The following ENTREP1 variants were observed in gnomAD, a reference collection of about 807,000 sequenced individuals.
ENTREP1 encodes the protein Friedreich ataxia region gene X123.
chr9:69,365,927 T>C, the ENTREP1 span, among the ~76,000 whole-genome samples: 1 of 152,216 alleles, frequency 6.6e-6, no homozygotes, highest in Non-Finnish European at 1.5e-5. Context: ...TTCATTCGTC[T>C]GTTGATGGGC....
chr9:69,337,034 T>G, the ENTREP1 span, among the ~76,000 whole-genome samples: 9 of 56,220 alleles, frequency 1.6e-4, no homozygotes, highest in Non-Finnish European at 2.8e-4. Flanking sequence ...TTTTTTTTTT[T>G]GATACAGTCT....
At chr9:69,353,153 A>G in the ENTREP1 span, among the ~76,000 whole-genome samples, 47 of 152,288 alleles carry the variant, frequency 3.1e-4, no homozygotes, top group African/African-American at 9.9e-4. Flanking sequence ...AAATAAAAGT[A>G]GAAGAAGATA....
chr9:69,385,910 G>A, the ENTREP1 span: 15 of 1,613,338 alleles, frequency 9.3e-6, no homozygotes, highest in South Asian at 3.3e-5. Context: ...GGACCAGGTC[G>A]AAGAGTGACC....
the ENTREP1 span, chr9:69,383,806 A>G: frequency 6.2e-7 from 1 of 1,611,842 alleles, no homozygotes; most frequent in South Asian, 1.1e-5. Flanking sequence ...TGCAAGTGGG[A>G]AAGACAGCAC....
chr9:69,367,824 A>AAT, the ENTREP1 span, among the ~76,000 whole-genome samples: 38 of 118,614 alleles, frequency 3.2e-4, 1 homozygote, highest in Non-Finnish European at 2.3e-4. Context: ...CATATATATA[A>AAT]ATATATATAT....
chr9:69,341,908 A>C, the ENTREP1 span, among the ~76,000 whole-genome samples: 1 of 152,126 alleles, frequency 6.6e-6, no homozygotes, highest in African/African-American at 2.4e-5. Flanking sequence ...CTCTTGACCC[A>C]AAAGTCAAGA....
the ENTREP1 span, among the ~76,000 whole-genome samples, chr9:69,362,481 C>T: frequency 6.6e-6 from 1 of 152,096 alleles, no homozygotes. Context: ...AAACATAATT[C>T]GTTTTGCATA....
chr9:69,347,430 A>C, the ENTREP1 span, among the ~76,000 whole-genome samples: 1 of 152,130 alleles, frequency 6.6e-6, no homozygotes, highest in African/African-American at 2.4e-5. Context: ...ATCAAACCCA[A>C]CTGTGTTGTA....
the ENTREP1 span, among the ~76,000 whole-genome samples, chr9:69,341,136 C>CT: frequency 6.6e-6 from 1 of 152,072 alleles, no homozygotes; most frequent in African/African-American, 2.4e-5. Context: ...CCAGCTAGCT[C>CT]TATGCCTGTA....
the ENTREP1 span, among the ~76,000 whole-genome samples, chr9:69,358,558 G>A: frequency 1.3e-5 from 2 of 152,122 alleles, no homozygotes; most frequent in Non-Finnish European, 2.9e-5. Context: ...GGGAAAAAAA[G>A]GGCACAATGA....
At chr9:69,351,672 C>T in the ENTREP1 span, among the ~76,000 whole-genome samples, 1 of 152,080 alleles carries the variant, frequency 6.6e-6, no homozygotes, top group East Asian at 1.9e-4. Flanking sequence ...CCGCCTCGGC[C>T]GCCAAATTGC....
At chr9:69,341,896 A>T in the ENTREP1 span, among the ~76,000 whole-genome samples, 1 of 151,968 alleles carries the variant, frequency 6.6e-6, no homozygotes, top group African/African-American at 2.4e-5. Context: ...CCTTGGGGAA[A>T]TCTCTTGACC....
chr9:69,332,208 C>T, the ENTREP1 span, among the ~76,000 whole-genome samples: 1 of 152,184 alleles, frequency 6.6e-6, no homozygotes, highest in African/African-American at 2.4e-5. Context: ...TGCCTCAGGG[C>T]TTCACTGGGC....
chr9:69,334,197 C>T, the ENTREP1 span, among the ~76,000 whole-genome samples: 4 of 152,188 alleles, frequency 2.6e-5, no homozygotes, highest in Non-Finnish European at 5.9e-5. Context: ...TCACACACGC[C>T]CTGCCCTGTG....
At chr9:69,368,092 T>TG in the ENTREP1 span, among the ~76,000 whole-genome samples, 2 of 151,824 alleles carry the variant, frequency 1.3e-5, no homozygotes, top group African/African-American at 4.8e-5. Flanking sequence ...AAGAGTCTTT[T>TG]GGGGGAGTCT....
the ENTREP1 span, among the ~76,000 whole-genome samples, chr9:69,350,484 G>A: frequency 6.6e-6 from 1 of 152,160 alleles, no homozygotes; most frequent in Non-Finnish European, 1.5e-5. Flanking sequence ...CTCACTTCCT[G>A]TTCTAGTCTG....
the ENTREP1 span, among the ~76,000 whole-genome samples, chr9:69,364,045 C>A: frequency 1.2e-4 from 18 of 152,228 alleles, no homozygotes; most frequent in African/African-American, 4.3e-4. Flanking sequence ...ATGTCACAAG[C>A]AAAAGAATGA....
At chr9:69,354,648 C>T in the ENTREP1 span, among the ~76,000 whole-genome samples, 1 of 152,098 alleles carries the variant, frequency 6.6e-6, no homozygotes, top group African/African-American at 2.4e-5. Context: ...TTTATCTGTC[C>T]CCTTTATTTC....
At chr9:69,366,806 A>G in the ENTREP1 span, among the ~76,000 whole-genome samples, 1 of 152,014 alleles carries the variant, frequency 6.6e-6, no homozygotes, top group East Asian at 1.9e-4. Flanking sequence ...TCTTTTCTCC[A>G]ATGTATGTTC....
Sources: allele counts gnomAD v4.1 joint callset (sites outside exome capture counted in the v4.1 genomes callset), GRCh38; gene constraint gnomAD v4.1.1; transcripts MANE v1.5; gene names NCBI Gene and HGNC (gene_info 2026-07-23, HGNC 2026-07-21).